SLC36A1: variants seen among roughly 807,000 people sequenced by gnomAD.
The protein encoded by SLC36A1 is solute carrier family 36 member 1.
A neutral mutation model predicts 47.5 loss-of-function variants in SLC36A1; 30 were observed. That is an observed-to-expected ratio of 0.63 (90% confidence interval 0.47 to 0.86). SLC36A1 has a LOEUF of 0.86. Ranked by LOEUF, SLC36A1 falls within the 40% of genes least tolerant of loss-of-function variation. The pLI is 0.00. For synonymous variants in SLC36A1, 255 were observed against 249.7 expected, an observed-to-expected ratio of 1.02 and a Z score of -0.20; for missense variants, 517 against 606.0, an observed-to-expected ratio of 0.85 and a Z score of 1.54.
At chr5:151,454,874 G>A (rs1754262621) in intron 1 of SLC36A1, among the ~76,000 whole-genome samples, 1 of 151,942 alleles carries the variant, frequency 6.6e-6, no homozygotes, top group Non-Finnish European at 1.5e-5. Flanking sequence ...TACCACGCCC[G>A]GCTAATTTTT....
At chr5:151,434,588 A>G (rs940611736), upstream of SLC36A1, among the ~76,000 whole-genome samples, 4 of 152,172 alleles carry the variant, frequency 2.6e-5, no homozygotes, top group Non-Finnish European at 2.9e-5. Flanking sequence ...AGAGAATAGA[A>G]TGAAAGACCT....
At chr5:151,440,907 T>G (rs1752585621) in intron 1 of SLC36A1, among the ~76,000 whole-genome samples, 1 of 152,244 alleles carries the variant, frequency 6.6e-6, no homozygotes, top group Non-Finnish European at 1.5e-5. Context: ...TGTTAGCACA[T>G]GGCTAAAGCA....
chr5:151,391,319 T>C, the SLC36A1 span, among the ~76,000 whole-genome samples: 1 of 152,194 alleles, frequency 6.6e-6, no homozygotes, highest in Non-Finnish European at 1.5e-5. Flanking sequence ...GATGGGGTTT[T>C]CTAAATACAC....
At chr5:151,381,152 G>A in the SLC36A1 span, 2 of 473,844 alleles carry the variant, frequency 4.2e-6, no homozygotes, top group Non-Finnish European at 8.3e-6. Flanking sequence ...GCTGGCCATG[G>A]CTGTGTGGAA....
At chr5:151,394,246 A>G in the SLC36A1 span, among the ~76,000 whole-genome samples, 3 of 152,182 alleles carry the variant, frequency 2.0e-5, no homozygotes, top group African/African-American at 7.2e-5. Context: ...CATGGTTTTC[A>G]GCTCCATCAG....
At chr5:151,500,819 C>T in the SLC36A1 span, among the ~76,000 whole-genome samples, 1 of 152,226 alleles carries the variant, frequency 6.6e-6, no homozygotes, top group African/African-American at 2.4e-5. Flanking sequence ...TGCCTGAGCC[C>T]CAGTGGTTTA....
At chr5:151,554,671 C>CA in the SLC36A1 span, 1 of 1,608,960 alleles carries the variant, frequency 6.2e-7, no homozygotes. Flanking sequence ...CCAGCACAGT[C>CA]ACCTGGGAGC....
At chr5:151,405,823 A>G in the SLC36A1 span, among the ~76,000 whole-genome samples, 4 of 152,092 alleles carry the variant, frequency 2.6e-5, no homozygotes, top group Middle Eastern at 3.2e-3. Flanking sequence ...GGGTGCTTTT[A>G]GAGGGCCAAG....
the SLC36A1 span, among the ~76,000 whole-genome samples, chr5:151,384,655 C>G: frequency 6.6e-6 from 1 of 152,198 alleles, no homozygotes; most frequent in Non-Finnish European, 1.5e-5. Flanking sequence ...AACTATTCCT[C>G]TCTTGGAAAG....
At position 151,473,738 on chromosome 5, in the gene SLC36A1, C is replaced by T. The variant is rs752531739; in HGVS notation, c.789C>T (p.Gly263=). The stretch of plus-strand genomic sequence containing the variant: ...GGAAGACCTACCCTCTCTTCTTTGG[C>T]ACAGCGATTTTTTCATTTGAAGGCA... The part of the protein sequence containing the change: ...APWKTYPLFF[G]TAIFSFEGIG... The change falls in exon 8 of 11, where the codon GGC becomes GGT. Residue 263 remains glycine, a synonymous_variant. Coordinates refer to ENST00000243389, the MANE Select transcript of SLC36A1 (RefSeq NM_078483.4). 27 of 1,613,922 alleles carry T rather than the reference C, an allele frequency of 1.7e-5. No individual in the cohort carries two copies. Among genetic ancestry groups the T allele is most frequent in the African/African-American group, 2.7e-5 (2 of 74,912 alleles).
At chr5:151,531,223 A>C in the SLC36A1 span, among the ~76,000 whole-genome samples, 2 of 152,182 alleles carry the variant, frequency 1.3e-5, no homozygotes, top group African/African-American at 4.8e-5. This position sits in a 1 kb window ranked among gnomAD's most constrained non-coding sequence, Gnocchi z 5.7. Flanking sequence ...CTTAAGCCCC[A>C]GATTCCAGCA....
At chr5:151,433,252 A>T (rs1561704939), upstream of SLC36A1, among the ~76,000 whole-genome samples, 12 of 13,842 alleles carry the variant, frequency 8.7e-4, no homozygotes, top group East Asian at 5.6e-3. Context: ...ATATATATAT[A>T]TATATATATA....
At chr5:151,385,741 C>CA in the SLC36A1 span, among the ~76,000 whole-genome samples, 1 of 152,184 alleles carries the variant, frequency 6.6e-6, no homozygotes, top group African/African-American at 2.4e-5. Context: ...AAAAAAGAGA[C>CA]AAAAACCAAA....
chr5:151,444,529 C>T (rs1752810124), upstream of SLC36A1, among the ~76,000 whole-genome samples: 1 of 152,004 alleles, frequency 6.6e-6, no homozygotes, highest in Non-Finnish European at 1.5e-5. Context: ...CTCACTCTGT[C>T]ACCCAGGCTG....
the SLC36A1 span, chr5:151,517,714 G>A: frequency 1.5e-5 from 25 of 1,614,060 alleles, no homozygotes; most frequent in Admixed American, 5.0e-5. Context: ...GTTCCGAGCC[G>A]CTGGGGCCCT....
At chr5:151,393,503 G>T in the SLC36A1 span, among the ~76,000 whole-genome samples, 10,928 of 152,184 alleles carry the variant, frequency 0.072, 994 homozygotes, top group African/African-American at 0.22. Context: ...AGCATCAATG[G>T]TCTTTACAAT....
the SLC36A1 span, among the ~76,000 whole-genome samples, chr5:151,541,523 G>C: frequency 6.6e-6 from 1 of 152,126 alleles, no homozygotes; most frequent in South Asian, 2.1e-4. Context: ...CTTTTCACTG[G>C]ACAGCTGTGA....
chr5:151,446,914 A>G (rs551151534), upstream of SLC36A1, among the ~76,000 whole-genome samples: 1 of 152,244 alleles, frequency 6.6e-6, no homozygotes, highest in African/African-American at 2.4e-5. Flanking sequence ...CATGGCCATT[A>G]ATATTAGTTG....
chr5:151,430,223 G>A, the SLC36A1 span, among the ~76,000 whole-genome samples: 1 of 151,322 alleles, frequency 6.6e-6, no homozygotes, highest in South Asian at 2.1e-4. Context: ...GGAGTGCAGG[G>A]GCATGATCTT....
Sources: allele counts gnomAD v4.1 joint callset (sites outside exome capture counted in the v4.1 genomes callset), GRCh38; gene constraint gnomAD v4.1.1; non-coding constraint Gnocchi (gnomAD v3.1); transcripts MANE v1.5; gene names NCBI Gene and HGNC (gene_info 2026-07-23, HGNC 2026-07-21).